NIM1K: variants seen among roughly 807,000 people sequenced by gnomAD.
The protein encoded by NIM1K is serine/threonine-protein kinase NIM1.
NIM1K carries 35 observed loss-of-function variants against 37.1 expected under a neutral mutation model. The observed-to-expected ratio is 0.94, with a 90% CI of 0.72 to 1.25. NIM1K has a LOEUF of 1.25. NIM1K is among the 50% of genes most tolerant of loss of function. The pLI, the probability that NIM1K is intolerant of heterozygous loss-of-function variation, is 0.00. For missense variants in NIM1K, 564 were observed against 548.0 expected (o/e 1.03, Z -0.29); for synonymous variants, 234 against 206.6 (o/e 1.13, Z -1.14).
chr5:43,236,244 G>A (rs1389209520), intron 1 of NIM1K, among the ~76,000 whole-genome samples: 1 of 152,008 alleles, frequency 6.6e-6, no homozygotes, highest in African/African-American at 2.4e-5. Context: ...TCCAGCTTGG[G>A]TGAGAGTGAG....
intron 2 of NIM1K, among the ~76,000 whole-genome samples, chr5:43,253,530 A>G (rs1188190982): frequency 6.6e-6 from 1 of 152,104 alleles, no homozygotes; most frequent in Non-Finnish European, 1.5e-5. Flanking sequence ...ATTTAAAAGT[A>G]ATTCAGCAAA....
At chr5:43,254,899 TC>T (rs1199028549) in intron 2 of NIM1K, among the ~76,000 whole-genome samples, 1 of 152,186 alleles carries the variant, frequency 6.6e-6, no homozygotes, top group Non-Finnish European at 1.5e-5. Context: ...GATTCCCCCC[TC>T]TTGAATACAT....
intron 2 of NIM1K, among the ~76,000 whole-genome samples, chr5:43,259,901 A>T (rs981667797): frequency 6.6e-5 from 10 of 151,876 alleles, no homozygotes; most frequent in African/African-American, 2.4e-4. Flanking sequence ...TTCTTCTATA[A>T]TTTTTGTGGT....
rs748949681 is a variant in NIM1K, at chr5:43,207,445, A to G, written c.-695+15034A>G. The G allele has an allele frequency of 9.9e-6, 8 of 808,144 alleles. No homozygotes were observed. In the Admixed American group the frequency reaches 1.2e-4, roughly 12 times the overall value. 50.1% of individuals were successfully genotyped at this position (808,144 alleles called of 1,614,324 possible). A position where few individuals can be genotyped will look rare whatever the true frequency, so the allele number is the denominator to read the frequency against. ...AAGGAGACTGCTATCAGGTTCTAAT[A>G]GAAGACTGTATTCCGGTACTGAAGA... is the stretch of plus-strand genomic sequence containing the variant. On this transcript the variant is annotated intron_variant, in intron 1 of 3. Transcript: ENST00000326035.
At chr5:43,256,440 T>C (rs1752948202) in intron 2 of NIM1K, among the ~76,000 whole-genome samples, 1 of 152,244 alleles carries the variant, frequency 6.6e-6, no homozygotes, top group Admixed American at 6.5e-5. Context: ...CAGTTTACAC[T>C]GACTGAAATG....
At chr5:43,207,581 C>A in intron 1 of NIM1K, 2 of 679,194 alleles carry the variant, frequency 2.9e-6, no homozygotes, top group Non-Finnish European at 5.6e-6. Flanking sequence ...CAGACTGAAT[C>A]TTGACCTCTC....
intron 1 of NIM1K, among the ~76,000 whole-genome samples, chr5:43,205,141 C>T (rs545090007): frequency 2.0e-5 from 3 of 152,160 alleles, no homozygotes; most frequent in Admixed American, 6.6e-5. Context: ...TGGCCTGTTT[C>T]GTAGTGTTAG....
At chr5:43,238,400 T>G (rs76349909) in intron 1 of NIM1K, among the ~76,000 whole-genome samples, 1 of 147,154 alleles carries the variant, frequency 6.8e-6, no homozygotes, top group East Asian at 2.0e-4. Context: ...TGTCTTTGAA[T>G]TTTTTTTTTG....
At chr5:43,224,401 A>G (rs1752423941) in intron 1 of NIM1K, among the ~76,000 whole-genome samples, 1 of 144,142 alleles carries the variant, frequency 6.9e-6, no homozygotes, top group Non-Finnish European at 1.5e-5. Context: ...AGATTGTGCC[A>G]TTGCACTCCA....
intron 1 of NIM1K, among the ~76,000 whole-genome samples, chr5:43,213,171 TTCTTTCTTTC>T: frequency 1.5e-5 from 1 of 66,238 alleles, no homozygotes; most frequent in Non-Finnish European, 3.3e-5. Context: ...CTTTTTTTCT[TTCTTTCTTTC>T]TTTCTTTCTT....
intron 1 of NIM1K, chr5:43,233,178 A>G: frequency 8.2e-7 from 1 of 1,220,536 alleles, no homozygotes; most frequent in South Asian, 1.2e-5. Flanking sequence ...ACGCATGATT[A>G]CTGCTTCACG....
chr5:43,263,873 T>C (rs979495390), intron 2 of NIM1K, among the ~76,000 whole-genome samples: 1 of 152,238 alleles, frequency 6.6e-6, no homozygotes, highest in Non-Finnish European at 1.5e-5. Context: ...TTCATTTTGT[T>C]ATGTATCCAG....
chr5:43,250,330 T>A (rs1206404375), intron 2 of NIM1K, among the ~76,000 whole-genome samples: 1 of 152,254 alleles, frequency 6.6e-6, no homozygotes, highest in Non-Finnish European at 1.5e-5. Flanking sequence ...CACATATAGC[T>A]GTGGCATAAA....
At chr5:43,223,122 G>T (rs1044007051) in intron 1 of NIM1K, among the ~76,000 whole-genome samples, 2 of 123,206 alleles carry the variant, frequency 1.6e-5, no homozygotes, top group African/African-American at 6.4e-5. Flanking sequence ...CGTGGCAACA[G>T]AGCGAGACTC....
chr5:43,237,033 G>T (rs554481693), intron 1 of NIM1K, among the ~76,000 whole-genome samples: 2 of 152,324 alleles, frequency 1.3e-5, no homozygotes, highest in South Asian at 2.1e-4. Context: ...AGATGAATTT[G>T]CTAATTATTC....
At chr5:43,271,603 A>T (rs1223166915) in intron 2 of NIM1K, among the ~76,000 whole-genome samples, 1 of 152,216 alleles carries the variant, frequency 6.6e-6, no homozygotes, top group Admixed American at 6.5e-5. Context: ...ACAAACTTGC[A>T]TCTTGCAAAA....
chr5:43,231,910 C>G, intron 1 of NIM1K: 1 of 1,011,898 alleles, frequency 9.9e-7, no homozygotes. Context: ...TCACTGGCCT[C>G]AGAAAACTCT....
At chr5:43,199,204 A>AAAAAAATATATATAT (rs1200134957) in intron 1 of NIM1K, among the ~76,000 whole-genome samples, 2 of 94,064 alleles carry the variant, frequency 2.1e-5, no homozygotes, top group Non-Finnish European at 4.1e-5. Flanking sequence ...AAAAAAAAAA[A>AAAAAAATATATATAT]ATATATATAT....
intron 1 of NIM1K, among the ~76,000 whole-genome samples, chr5:43,198,189 T>TTC (rs746702328): frequency 1.3e-3 from 72 of 56,730 alleles, no homozygotes; most frequent in Middle Eastern, 8.8e-3. Context: ...CTTTCTTTCT[T>TTC]TCTTTCTTTC....
Sources: allele counts gnomAD v4.1 joint callset (sites outside exome capture counted in the v4.1 genomes callset), GRCh38; gene constraint gnomAD v4.1.1; transcripts MANE v1.5; gene names NCBI Gene and HGNC (gene_info 2026-07-23, HGNC 2026-07-21).